Variants in MTM1 observed in about 807,000 individuals in gnomAD.
MTM1 encodes myotubularin 1, also known as myotubularin.
Under a neutral mutation model 52.1 loss-of-function variants are expected in MTM1, and 9 were observed. The observed-to-expected ratio is 0.17, with a 90% CI of 0.10 to 0.30. The LOEUF (loss-of-function observed/expected upper bound fraction) is 0.30, where lower values mean the gene tolerates loss of function less well. Among genes scored for constraint, MTM1 ranks in the 10% least tolerant of loss-of-function variants. MTM1 has a pLI of 1.00. For synonymous variants in MTM1, 136 were observed against 163.8 expected (o/e 0.83, Z 1.29); for missense variants, 277 against 470.7 (o/e 0.59, Z 3.81).
At chrX:150,625,768 G>A (rs1054431036) in intron 6 of MTM1, among the ~76,000 whole-genome samples, 16 of 112,547 alleles carry the variant, frequency 1.4e-4, no homozygotes, top group African/African-American at 4.8e-4. Context: ...GAACTGATTA[G>A]CAGTCATATA....
chrX:150,594,118 AT>A (rs782743278), intron 2 of MTM1, among the ~76,000 whole-genome samples: 2 of 105,813 alleles, frequency 1.9e-5, no homozygotes, highest in African/African-American at 6.9e-5. Context: ...TGTGTGTATA[AT>A]TTTTTTTTGA....
At chrX:150,668,530 C>CA (rs59513018) in intron 14 of MTM1, among the ~76,000 whole-genome samples, 4,474 of 75,970 alleles carry the variant, frequency 0.059, 120 homozygotes, top group Non-Finnish European at 0.084. Context: ...TCCATCTCTA[C>CA]AAAAAAAAAA....
chrX:150,583,901 T>TATATATTAAATATATATATATATTTG (rs2038723603), intron 1 of MTM1, among the ~76,000 whole-genome samples: 1 of 53,917 alleles, frequency 1.9e-5, no homozygotes, highest in Non-Finnish European at 3.2e-5. Flanking sequence ...ATATTTGATA[T>TATATATTAAATATATATATATATTTG]ATATATATAT....
chrX:150,585,649 A>G (rs2038773160), intron 1 of MTM1, among the ~76,000 whole-genome samples: 1 of 112,040 alleles, frequency 8.9e-6, no homozygotes, highest in Non-Finnish European at 1.9e-5. Context: ...TGGAATTGGC[A>G]GATGCACGGG....
At chrX:150,580,490 A>G (rs1362546697) in intron 1 of MTM1, among the ~76,000 whole-genome samples, 1 of 109,372 alleles carries the variant, frequency 9.1e-6, no homozygotes, top group Non-Finnish European at 1.9e-5. Flanking sequence ...CATTCTTTTA[A>G]CACTGGTTTT....
At chrX:150,624,153 C>G (rs782162588) in intron 6 of MTM1, among the ~76,000 whole-genome samples, 1 of 112,051 alleles carries the variant, frequency 8.9e-6, no homozygotes, top group East Asian at 2.8e-4. Flanking sequence ...GAGTTCACCC[C>G]AAACCATTAA....
At position 150,583,562 on chromosome X, in the gene MTM1, A is replaced by AAT. The variant is rs1557412037; in HGVS notation, c.-10-9037_-10-9036dup. On this transcript the variant is annotated intron_variant, in intron 1 of 14. Transcript: ENST00000370396. Reference sequence around the variant, plus strand: ...TATATATTATACATAATTTATATATAATATATAATTTATATATAATATATA... The same window carrying AAT: ...TATATATTATACATAATTTATATATAATATATATAATTTATATATAATATATA... Among the ~76,000 whole-genome samples the AAT allele has an allele frequency of 6.1e-4, 14 of 22,929 alleles. 2 individuals are homozygous for AAT. In the African/African-American group the frequency reaches 7.0e-3, roughly 12 times the overall value. 19.9% of individuals were successfully genotyped at this position (22,929 alleles called of 115,157 possible).
intron 13 of MTM1, among the ~76,000 whole-genome samples, chrX:150,662,709 C>T (rs1557414742): frequency 9.0e-6 from 1 of 111,199 alleles, no homozygotes; most frequent in African/African-American, 3.3e-5. Flanking sequence ...AAAGTCATTA[C>T]TAGGAAAAGT....
intron 13 of MTM1, among the ~76,000 whole-genome samples, chrX:150,662,984 CTG>C (rs782344748): frequency 8.9e-6 from 1 of 112,332 alleles, no homozygotes; most frequent in South Asian, 3.7e-4. Context: ...ATTAAAATAA[CTG>C]TGTCCAGATG....
intron 14 of MTM1, among the ~76,000 whole-genome samples, chrX:150,669,322 T>C (rs1435963617): frequency 8.9e-6 from 1 of 112,261 alleles, no homozygotes; most frequent in African/African-American, 3.2e-5. Context: ...CTATTGTAAA[T>C]AGTGCTGCAG....
intron 1 of MTM1, among the ~76,000 whole-genome samples, chrX:150,578,225 G>T (rs781951585): frequency 8.9e-6 from 1 of 112,210 alleles, no homozygotes; most frequent in African/African-American, 3.2e-5. Context: ...CACATAGAAA[G>T]GAACTGCAGG....
At chrX:150,589,982 A>G (rs1375053929) in intron 1 of MTM1, among the ~76,000 whole-genome samples, 1 of 111,556 alleles carries the variant, frequency 9.0e-6, no homozygotes, top group African/African-American at 3.3e-5. Context: ...CAAGCCCTGC[A>G]TGAATGTATT....
intron 3 of MTM1, among the ~76,000 whole-genome samples, chrX:150,597,873 G>A (rs2039004917): frequency 9.0e-6 from 1 of 111,207 alleles, no homozygotes; most frequent in South Asian, 3.8e-4. Flanking sequence ...GATCACTTGA[G>A]GCCAGGAATT....
intron 9 of MTM1, among the ~76,000 whole-genome samples, chrX:150,646,385 G>A (rs41371346): frequency 0.013 from 1,476 of 112,889 alleles, 30 homozygotes; most frequent in African/African-American, 0.045. Context: ...AAAGTTGACC[G>A]TTTTCAAAGA....
chrX:150,598,829 C>G, intron 4 of MTM1, 143 bp downstream of exon 4: 1 of 447,150 alleles, frequency 2.2e-6, no homozygotes, highest in Non-Finnish European at 3.9e-6. Context: ...TTTGCTTATG[C>G]AAAACTCATT....
In MTM1 at chrX:150,659,804, A is replaced by G. The variant is rs1603206368; in HGVS notation, c.1353+48A>G. 3 of 1,015,487 alleles carry G rather than the reference A, an allele frequency of 3.0e-6. No individual in the cohort carries two copies. In the South Asian group the frequency reaches 5.8e-5, roughly 20 times the overall value. 83.7% of individuals were successfully genotyped at this position (1,015,487 alleles called of 1,213,427 possible). A position where few individuals can be genotyped will look rare whatever the true frequency, so the allele number is the denominator to read the frequency against. On this transcript the variant is annotated intron_variant, in intron 12 of 14. Transcript: ENST00000370396. ...ATACATTCAACTCATTGTTTAAATT[A>G]AACATTTTAATATAATGATTGGGAT...
intron 4 of MTM1, among the ~76,000 whole-genome samples, chrX:150,599,797 C>T (rs1341624360): frequency 8.9e-6 from 1 of 111,783 alleles, no homozygotes; most frequent in African/African-American, 3.3e-5. Context: ...ATTTATGTGA[C>T]TCTGTTCAAA....
chrX:150,622,076 T>C (rs1181860537), intron 6 of MTM1, among the ~76,000 whole-genome samples: 3 of 110,849 alleles, frequency 2.7e-5, no homozygotes, highest in African/African-American at 6.6e-5. Context: ...GTTGCTGTTA[T>C]TGGAGTCATC....
chrX:150,614,503 GAA>G, intron 4 of MTM1, 84 bp from the exon 5 acceptor site: 2 of 578,981 alleles, frequency 3.5e-6, no homozygotes, highest in East Asian at 7.2e-5. Context: ...AAATCACTCT[GAA>G]AGCATATGGT....
Sources: allele counts gnomAD v4.1 joint callset (sites outside exome capture counted in the v4.1 genomes callset), GRCh38; gene constraint gnomAD v4.1.1; transcripts MANE v1.5; gene names NCBI Gene and HGNC (gene_info 2026-07-23, HGNC 2026-07-21).